KCNK13: variants seen among roughly 807,000 people sequenced by gnomAD.
The protein encoded by KCNK13 is potassium channel subfamily K member 13.
Under a neutral mutation model 23.4 loss-of-function variants are expected in KCNK13, and 12 were observed. The observed-to-expected ratio is 0.51, with a 90% CI of 0.33 to 0.83. The LOEUF is 0.83. Among genes scored for constraint, KCNK13 ranks in the 40% least tolerant of loss-of-function variants. The pLI, the probability that KCNK13 is intolerant of heterozygous loss-of-function variation, is 0.02. For synonymous variants in KCNK13, 231 were observed against 229.5 expected, an observed-to-expected ratio of 1.01 and a Z score of -0.06; for missense variants, 463 against 556.3, an observed-to-expected ratio of 0.83 and a Z score of 1.69.
intron 1 of KCNK13, among the ~76,000 whole-genome samples, chr14:90,178,281 A>T (rs1199826833): frequency 1.5e-5 from 2 of 135,512 alleles, no homozygotes; most frequent in Non-Finnish European, 3.2e-5. Flanking sequence ...GATTATTATT[A>T]TTTTTATTTT....
intron 1 of KCNK13, among the ~76,000 whole-genome samples, chr14:90,064,761 G>A (rs879740878): frequency 2.0e-5 from 3 of 152,224 alleles, no homozygotes; most frequent in Non-Finnish European, 4.4e-5. Flanking sequence ...CATGATGTCA[G>A]TGTGGGCTGA....
intron 1 of KCNK13, among the ~76,000 whole-genome samples, chr14:90,080,189 C>T (rs145786679): frequency 0.017 from 2,562 of 152,194 alleles, 36 homozygotes; most frequent in Non-Finnish European, 0.026. Flanking sequence ...TGTGGTGGCT[C>T]ACACCTGTAA....
Position 90,184,652 on chromosome 14 carries a change from G to A in KCNK13, c.876G>A (p.Arg292=). 2 of 1,614,236 alleles carry A rather than the reference G, an allele frequency of 1.2e-6. No homozygotes were observed. Among genetic ancestry groups the A allele is most frequent in the South Asian group, 2.2e-5 (2 of 91,082 alleles). ...LIKQSLNWIL[R]KMDSGCCPQC... The stretch of plus-strand genomic sequence containing the variant: ...AACAGTCCTTGAACTGGATCCTGAG[G>A]AAAATGGACAGCGGGTGCTGCCCGC... Residue 292 remains arginine, a synonymous_variant, in exon 2 of 2, where the codon AGG becomes AGA. Coordinates refer to ENST00000282146, the MANE Select transcript of KCNK13 (RefSeq NM_022054.4). The surrounding 1 kb of genome is among the most constrained non-coding windows in gnomAD (Gnocchi z 5.6).
chr14:90,080,173 G>T (rs571398627), intron 1 of KCNK13, among the ~76,000 whole-genome samples: 1 of 152,258 alleles, frequency 6.6e-6, no homozygotes, highest in South Asian at 2.1e-4. Context: ...ACAATTGAAG[G>T]CCAGGTGTGG....
At chr14:90,078,287 G>A (rs561686416) in intron 1 of KCNK13, among the ~76,000 whole-genome samples, 2 of 152,050 alleles carry the variant, frequency 1.3e-5, no homozygotes, top group Admixed American at 1.3e-4. Context: ...GGGCATGGTG[G>A]CGCACACCTG....
intron 1 of KCNK13, among the ~76,000 whole-genome samples, chr14:90,133,944 G>T (rs1191713826): frequency 6.6e-6 from 1 of 152,098 alleles, no homozygotes; most frequent in Admixed American, 6.6e-5. Context: ...AGAGAAAATG[G>T]ATTCTTCCCA....
At position 90,184,580 on chromosome 14, in the gene KCNK13, T is replaced by C; in HGVS notation, c.804T>C (p.Gly268=). The change falls in exon 2 of 2, where the codon GGT becomes GGC. Residue 268 remains glycine, a synonymous_variant. Transcript: ENST00000282146. The surrounding 1 kb of genome is among the most constrained non-coding windows in gnomAD (Gnocchi z 5.6). ...CCAACTTCGTCTTCATCCTCATGGGTGTCTGCTGCATCTACTCCTTGTTCA... is the reference window on the plus strand; with the variant it reads ...CCAACTTCGTCTTCATCCTCATGGGCGTCTGCTGCATCTACTCCTTGTTCA... ...RFANFVFILM[G]VCCIYSLFNV... is the part of the protein sequence containing the mutation. The C allele has an allele frequency of 1.2e-6, 2 of 1,614,254 alleles. No homozygotes were observed. Among genetic ancestry groups the C allele is most frequent in the East Asian group, 2.2e-5 (1 of 44,890 alleles).
intron 1 of KCNK13, among the ~76,000 whole-genome samples, chr14:90,110,722 T>C (rs1455836085): frequency 1.3e-5 from 2 of 151,138 alleles, no homozygotes; most frequent in Non-Finnish European, 3.0e-5. Context: ...GATATGCATA[T>C]CCCTGGCCAA....
At chr14:90,077,116 G>A (rs1179629538) in intron 1 of KCNK13, among the ~76,000 whole-genome samples, 1 of 68,224 alleles carries the variant, frequency 1.5e-5, no homozygotes, top group Non-Finnish European at 3.0e-5. Flanking sequence ...ACCGCACCTG[G>A]CTTTTTTTTT....
intron 1 of KCNK13, among the ~76,000 whole-genome samples, chr14:90,138,188 A>G (rs12895764): frequency 0.29 from 43,801 of 151,870 alleles, 6,906 homozygotes; most frequent in Non-Finnish European, 0.37. Flanking sequence ...TTCTGTTTGT[A>G]GAAGTAATAT....
intron 1 of KCNK13, among the ~76,000 whole-genome samples, chr14:90,071,771 G>A (rs948231755): frequency 2.6e-4 from 40 of 152,062 alleles, no homozygotes; most frequent in African/African-American, 9.4e-4. Context: ...GGTTATGCAC[G>A]CCTGTAGTCC....
At chr14:90,072,722 A>G (rs551058605) in intron 1 of KCNK13, among the ~76,000 whole-genome samples, 3 of 152,236 alleles carry the variant, frequency 2.0e-5, no homozygotes, top group Non-Finnish European at 2.9e-5. Flanking sequence ...ATTGAAATCT[A>G]TAAGTATGTA....
intron 1 of KCNK13, among the ~76,000 whole-genome samples, chr14:90,144,619 A>G (rs1171698753): frequency 1.3e-5 from 2 of 149,168 alleles, no homozygotes; most frequent in Admixed American, 6.9e-5. Flanking sequence ...AGCTGGGATT[A>G]CAGGAGCCCA....
Position 90,062,153 on chromosome 14 carries a change from C to A in KCNK13, c.-53C>A. 1 of 1,203,394 alleles carries A rather than the reference C, an allele frequency of 8.3e-7. No homozygotes were observed. The highest frequency in any genetic ancestry group is 1.1e-6 in the Non-Finnish European group (1 of 929,602). 74.5% of individuals were successfully genotyped at this position (1,203,394 alleles called of 1,614,324 possible). A position where few individuals can be genotyped will look rare whatever the true frequency, so the allele number is the denominator to read the frequency against. On this transcript the variant is annotated 5_prime_UTR_variant, in exon 1 of 2. Transcript: ENST00000282146. The surrounding 1 kb of genome is among the most constrained non-coding windows in gnomAD (Gnocchi z 4.5). ...TTATTTCCCGGGGGTGTGGGCGAGA[C>A]TCCGCCGACGCCCGGTGCCGTGGGC... is the stretch of plus-strand genomic sequence containing the variant.
intron 1 of KCNK13, among the ~76,000 whole-genome samples, chr14:90,154,026 C>G (rs954370841): frequency 3.3e-5 from 5 of 152,206 alleles, no homozygotes. Context: ...TGGTCTGCAT[C>G]TCTGATTGGC....
chr14:90,134,060 T>G (rs1229145624), intron 1 of KCNK13, among the ~76,000 whole-genome samples: 1 of 152,064 alleles, frequency 6.6e-6, no homozygotes, highest in Non-Finnish European at 1.5e-5. Context: ...CTACCAAGCA[T>G]CCTTTGGCAC....
chr14:90,136,834 C>T (rs1032881307), intron 1 of KCNK13, among the ~76,000 whole-genome samples: 2 of 152,164 alleles, frequency 1.3e-5, no homozygotes, highest in Admixed American at 1.3e-4. Flanking sequence ...AAATACAGAC[C>T]CAGTATTTGA....
At position 90,083,767 on chromosome 14, in the gene KCNK13, A is replaced by G. The variant is rs12372859; in HGVS notation, c.334+21228A>G. On this transcript the variant is annotated intron_variant, in intron 1 of 1. Transcript: ENST00000282146. The stretch of plus-strand genomic sequence containing the variant: ...TAAGAAGTAAATTTCTGTTCTTTGT[A>G]AATTGCCCAGTCTGCGGTATTTTGT... Among the ~76,000 whole-genome samples, 1,324 of 152,332 alleles carry G rather than the reference A, an allele frequency of 8.7e-3. 7 individuals are homozygous for G. The highest frequency in any genetic ancestry group is 0.017 in the Middle Eastern group (5 of 294).
At chr14:90,163,862 G>C (rs1383469995) in intron 1 of KCNK13, among the ~76,000 whole-genome samples, 1 of 151,968 alleles carries the variant, frequency 6.6e-6, no homozygotes, top group East Asian at 1.9e-4. Context: ...GCTAATTTTT[G>C]TGTTCTTTTA....
Sources: allele counts gnomAD v4.1 joint callset (sites outside exome capture counted in the v4.1 genomes callset), GRCh38; gene constraint gnomAD v4.1.1; non-coding constraint Gnocchi (gnomAD v3.1); transcripts MANE v1.5; gene names NCBI Gene and HGNC (gene_info 2026-07-23, HGNC 2026-07-21).